Variants in NFIA observed in about 807,000 individuals in gnomAD.
The protein encoded by NFIA is nuclear factor 1 A-type.
Under a neutral mutation model 62.8 loss-of-function variants are expected in NFIA, and 8 were observed. The observed-to-expected ratio is 0.13, with a 90% CI of 0.07 to 0.23. NFIA has a LOEUF of 0.23. NFIA is among the 10% of genes least tolerant of loss of function. The pLI is 1.00. For synonymous variants in NFIA, 235 were observed against 238.1 expected (o/e 0.99, Z 0.12); for missense variants, 410 against 642.1 (o/e 0.64, Z 3.91).
At chr1:61,395,009 A>T (rs944990976) in intron 7 of NFIA, among the ~76,000 whole-genome samples, 3 of 152,150 alleles carry the variant, frequency 2.0e-5, no homozygotes, top group Non-Finnish European at 4.4e-5. Flanking sequence ...TGGGAGGCTG[A>T]GGTGGGAGGA....
rs1265392291 is a variant in NFIA at position 61,462,029 on chromosome 1, T to G, written c.*6709T>G. On this transcript the variant is annotated 3_prime_UTR_variant, in exon 11 of 11. Transcript: ENST00000403491. ...CTGTAAGTTAGCCTTTTTGGGTTTT[T>G]TTTTTTTTTTTTTGGCTTTTTTTTT... The G allele has an allele frequency of 1.7e-4, 26 of 149,944 alleles. No individual in the cohort carries two copies. The highest frequency in any genetic ancestry group is 1.4e-3 in the Admixed American group (21 of 15,114). 9.3% of individuals were successfully genotyped at this position (149,944 alleles called of 1,614,324 possible). A position where few individuals can be genotyped will look rare whatever the true frequency, so the allele number is the denominator to read the frequency against.
At chr1:61,147,940 C>T (rs1312394316) in intron 2 of NFIA, among the ~76,000 whole-genome samples, 1 of 152,124 alleles carries the variant, frequency 6.6e-6, no homozygotes, top group Non-Finnish European at 1.5e-5. Context: ...GGCTAATGTT[C>T]TTTGTACACC....
intron 5 of NFIA, among the ~76,000 whole-genome samples, chr1:61,358,757 A>C (rs368072278): frequency 3.3e-5 from 5 of 152,222 alleles, no homozygotes; most frequent in African/African-American, 1.2e-4. Flanking sequence ...GCAGGGATTA[A>C]ATTGATGCCC....
chr1:61,298,884 G>A (rs1659340164), intron 3 of NFIA, among the ~76,000 whole-genome samples: 1 of 152,114 alleles, frequency 6.6e-6, no homozygotes, highest in African/African-American at 2.4e-5. Context: ...AAACGTCCCG[G>A]TGTTTCAAAG....
chr1:61,356,611 G>A (rs4915737), intron 5 of NFIA, among the ~76,000 whole-genome samples: 3 of 152,160 alleles, frequency 2.0e-5, no homozygotes, highest in Admixed American at 6.5e-5. Context: ...TGTGTATATC[G>A]TCTTATAAAG....
At chr1:61,095,151 C>G (rs957368831) in intron 2 of NFIA, among the ~76,000 whole-genome samples, 3 of 152,104 alleles carry the variant, frequency 2.0e-5, no homozygotes, top group Non-Finnish European at 4.4e-5. Flanking sequence ...CTTTTCATGT[C>G]TTTCAAATAC....
At chr1:61,378,792 G>A (rs1664270430) in intron 6 of NFIA, among the ~76,000 whole-genome samples, 1 of 152,156 alleles carries the variant, frequency 6.6e-6, no homozygotes, top group South Asian at 2.1e-4. Context: ...TTGTGGATGT[G>A]GGACTAAGGT....
chr1:61,331,712 T>G (rs1661308819), intron 3 of NFIA, among the ~76,000 whole-genome samples: 1 of 152,164 alleles, frequency 6.6e-6, no homozygotes, highest in African/African-American at 2.4e-5. Context: ...CTACATACCA[T>G]AGATTATGTG....
intron 7 of NFIA, among the ~76,000 whole-genome samples, chr1:61,395,995 A>G (rs1300131715): frequency 2.6e-5 from 4 of 152,182 alleles, no homozygotes; most frequent in African/African-American, 7.2e-5. Context: ...CTATTTGTAA[A>G]TGTAATCCCA....
At chr1:61,303,527 G>A (rs1451828739) in intron 3 of NFIA, among the ~76,000 whole-genome samples, 1 of 152,200 alleles carries the variant, frequency 6.6e-6, no homozygotes, top group Non-Finnish European at 1.5e-5. Flanking sequence ...ACCTAGAAAA[G>A]GTGAGGGAGT....
chr1:61,199,504 C>T (rs1336875003), intron 2 of NFIA, among the ~76,000 whole-genome samples: 6 of 152,106 alleles, frequency 3.9e-5, no homozygotes, highest in East Asian at 3.9e-4. Flanking sequence ...TCTTATGTAC[C>T]GTATCTCGTG....
intron 10 of NFIA, among the ~76,000 whole-genome samples, chr1:61,436,905 A>T (rs1414652438): frequency 3.3e-5 from 5 of 152,190 alleles, no homozygotes; most frequent in African/African-American, 1.2e-4. Flanking sequence ...ACATTTAACT[A>T]ATGAGTCACA....
intron 5 of NFIA, among the ~76,000 whole-genome samples, chr1:61,353,394 G>A (rs548383411): frequency 9.9e-5 from 15 of 152,260 alleles, no homozygotes; most frequent in South Asian, 8.3e-4. Flanking sequence ...TTGCAAGATC[G>A]TGTTGTCTCT....
At chr1:61,243,069 C>T (rs558305374) in intron 2 of NFIA, among the ~76,000 whole-genome samples, 4 of 152,066 alleles carry the variant, frequency 2.6e-5, no homozygotes, top group Admixed American at 2.0e-4. Context: ...CAAAGCTTCT[C>T]GTATGTTTAT....
chr1:61,331,796 TA>T (rs1282827350), intron 3 of NFIA, among the ~76,000 whole-genome samples: 1 of 152,084 alleles, frequency 6.6e-6, no homozygotes, highest in Non-Finnish European at 1.5e-5. Context: ...ATCGACATAA[TA>T]CCAGGTGTCT....
At chr1:61,118,659 AGTGTGTGT>A (rs5774536) in intron 2 of NFIA, among the ~76,000 whole-genome samples, 4,746 of 145,204 alleles carry the variant, frequency 0.033, 197 homozygotes, top group African/African-American at 0.097. Flanking sequence ...GGTCGGGATG[AGTGTGTGT>A]GTGTGTGTGT....
intron 2 of NFIA, among the ~76,000 whole-genome samples, chr1:61,267,210 A>G (rs914971348): frequency 6.6e-6 from 1 of 152,216 alleles, no homozygotes; most frequent in Non-Finnish European, 1.5e-5. Context: ...TTAAAAAAAA[A>G]TATTTTTATA....
chr1:61,392,462 G>T (rs1665027835), intron 7 of NFIA, among the ~76,000 whole-genome samples: 1 of 151,940 alleles, frequency 6.6e-6, no homozygotes, highest in African/African-American at 2.4e-5. Flanking sequence ...TAGCTAATTT[G>T]TCTGCAAGTG....
chr1:61,413,233 C>A (rs1166844859), intron 9 of NFIA, among the ~76,000 whole-genome samples: 2 of 151,932 alleles, frequency 1.3e-5, no homozygotes, highest in East Asian at 3.9e-4. Flanking sequence ...TGTATATATT[C>A]ATTATACAAA....
Sources: gnomAD v4.1 joint callset for allele counts (sites outside exome capture counted in the v4.1 genomes callset) on GRCh38, gnomAD v4.1.1 for gene constraint, MANE v1.5 for transcripts, NCBI Gene and HGNC (gene_info 2026-07-23, HGNC 2026-07-21) for gene names.